Variants in SLC35D4 observed in about 807,000 individuals in gnomAD.
SLC35D4 encodes UDP-N-acetylglucosamine transporter SLC35D4.
At chr18:23,291,887 G>A in the SLC35D4 span, among the ~76,000 whole-genome samples, 2 of 152,210 alleles carry the variant, frequency 1.3e-5, no homozygotes, top group African/African-American at 4.8e-5. Context: ...TCTCCGGGCT[G>A]GGCTCAGGGA....
At chr18:23,411,895 T>C in the SLC35D4 span, among the ~76,000 whole-genome samples, 1 of 152,240 alleles carries the variant, frequency 6.6e-6, no homozygotes, top group Non-Finnish European at 1.5e-5. Context: ...TGAGAGAACA[T>C]CTACTCCCTG....
the SLC35D4 span, among the ~76,000 whole-genome samples, chr18:23,300,825 A>T: frequency 6.6e-6 from 1 of 152,262 alleles, no homozygotes; most frequent in African/African-American, 2.4e-5. Flanking sequence ...AGAAATATCC[A>T]TCACTAGCTT....
chr18:23,364,700 C>T, the SLC35D4 span, among the ~76,000 whole-genome samples: 246 of 151,826 alleles, frequency 1.6e-3, 3 homozygotes, highest in Non-Finnish European at 3.1e-3. Flanking sequence ...GTCAGGAGAT[C>T]GAGACCATCC....
chr18:23,253,053 A>G, the SLC35D4 span: 1 of 1,609,170 alleles, frequency 6.2e-7, no homozygotes, highest in East Asian at 2.2e-5. Flanking sequence ...GCTGACACTC[A>G]GCAAAATTAG....
At chr18:23,256,517 G>A in the SLC35D4 span, among the ~76,000 whole-genome samples, 4 of 152,114 alleles carry the variant, frequency 2.6e-5, no homozygotes, top group East Asian at 7.7e-4. Flanking sequence ...ATCTTGCTTT[G>A]TTGCCCAGGC....
At chr18:23,308,662 C>T in the SLC35D4 span, among the ~76,000 whole-genome samples, 1 of 152,128 alleles carries the variant, frequency 6.6e-6, no homozygotes, top group Admixed American at 6.6e-5. Context: ...CCCTTGGCAC[C>T]GTTGTCCCCC....
chr18:23,374,693 C>T, the SLC35D4 span, among the ~76,000 whole-genome samples: 4 of 152,132 alleles, frequency 2.6e-5, no homozygotes, highest in Admixed American at 2.6e-4. Flanking sequence ...CCATGTTAGT[C>T]AGGCCGGTCT....
At chr18:23,309,308 A>G in the SLC35D4 span, among the ~76,000 whole-genome samples, 3 of 151,916 alleles carry the variant, frequency 2.0e-5, no homozygotes, top group African/African-American at 7.3e-5. Flanking sequence ...ATATTATATT[A>G]TACATATTAT....
At chr18:23,291,172 C>T in the SLC35D4 span, among the ~76,000 whole-genome samples, 2 of 152,182 alleles carry the variant, frequency 1.3e-5, no homozygotes, top group African/African-American at 2.4e-5. Flanking sequence ...GATCTTCCTC[C>T]GAAGACAGCG....
At chr18:23,290,386 T>C in the SLC35D4 span, among the ~76,000 whole-genome samples, 1 of 152,202 alleles carries the variant, frequency 6.6e-6, no homozygotes, top group Admixed American at 6.5e-5. Context: ...GCTCCTGGAC[T>C]TTGCCCGTGT....
the SLC35D4 span, among the ~76,000 whole-genome samples, chr18:23,415,622 C>T: frequency 3.1e-3 from 475 of 152,290 alleles, 5 homozygotes; most frequent in African/African-American, 0.011. Context: ...TCTTTTAGAA[C>T]CACTTTTTGC....
chr18:23,242,566 G>A, the SLC35D4 span, among the ~76,000 whole-genome samples: 29 of 152,172 alleles, frequency 1.9e-4, no homozygotes, highest in African/African-American at 7.0e-4. Flanking sequence ...CTTTATGGGT[G>A]TGGAAGGCAA....
At chr18:23,407,444 C>A in the SLC35D4 span, among the ~76,000 whole-genome samples, 24 of 151,922 alleles carry the variant, frequency 1.6e-4, no homozygotes, top group Non-Finnish European at 3.1e-4. Flanking sequence ...AAAACACTGG[C>A]AACATATGAA....
chr18:23,430,754 A>G, the SLC35D4 span: 1 of 1,354,250 alleles, frequency 7.4e-7, no homozygotes, highest in Non-Finnish European at 1.0e-6. Flanking sequence ...AGACATTTCT[A>G]TTAAAAAACA....
the SLC35D4 span, among the ~76,000 whole-genome samples, chr18:23,337,590 A>G: frequency 1.3e-5 from 2 of 152,206 alleles, no homozygotes; most frequent in African/African-American, 2.4e-5. Flanking sequence ...GAGTTTTACC[A>G]ATGGTCTTGG....
chr18:23,384,843 C>A, the SLC35D4 span: 1 of 637,588 alleles, frequency 1.6e-6, no homozygotes. Flanking sequence ...AAACTGTGTC[C>A]CATGGTATCA....
At chr18:23,344,662 C>T in the SLC35D4 span, among the ~76,000 whole-genome samples, 4 of 147,758 alleles carry the variant, frequency 2.7e-5, no homozygotes, top group African/African-American at 1.0e-4. Flanking sequence ...AGTGCAGTGG[C>T]GCGATCTCGG....
the SLC35D4 span, among the ~76,000 whole-genome samples, chr18:23,246,641 T>C: frequency 3.3e-5 from 5 of 151,746 alleles, no homozygotes; most frequent in African/African-American, 4.9e-5. Context: ...TCCGCCCACC[T>C]TGGCCTCCCA....
At chr18:23,385,162 A>C in the SLC35D4 span, 75 of 1,233,358 alleles carry the variant, frequency 6.1e-5, 1 homozygote, top group South Asian at 9.2e-4. Flanking sequence ...AGAGCTGTGG[A>C]AACTTTTGGC....
Sources: gnomAD v4.1 joint callset for allele counts (sites outside exome capture counted in the v4.1 genomes callset) on GRCh38, gnomAD v4.1.1 for gene constraint, MANE v1.5 for transcripts, NCBI Gene and HGNC (gene_info 2026-07-23, HGNC 2026-07-21) for gene names.